Variants in HTR1F observed in about 807,000 individuals in gnomAD.
The protein encoded by HTR1F is 5-hydroxytryptamine (serotonin) receptor 1F, G protein-coupled.
Under a neutral mutation model 24.0 loss-of-function variants are expected in HTR1F, and 17 were observed. The ratio of observed to expected loss-of-function variants is 0.71; its 90% CI spans 0.48 to 1.06. The LOEUF (loss-of-function observed/expected upper bound fraction) is 1.06. HTR1F is among the 50% of genes least tolerant of loss of function. HTR1F has a pLI of 0.00. For synonymous variants in HTR1F, 186 were observed against 156.8 expected, an observed-to-expected ratio of 1.19 and a Z score of -1.39; for missense variants, 391 against 427.8, an observed-to-expected ratio of 0.91 and a Z score of 0.76.
At chr3:87,885,267 G>C (rs1030019505) in intron 2 of HTR1F, among the ~76,000 whole-genome samples, 2 of 152,168 alleles carry the variant, frequency 1.3e-5, no homozygotes, top group African/African-American at 4.8e-5. Flanking sequence ...AATGAAGGCA[G>C]AGATAAAGAT....
intron 2 of HTR1F, among the ~76,000 whole-genome samples, chr3:87,865,574 G>T (rs1371968885): frequency 1.3e-5 from 2 of 152,158 alleles, no homozygotes; most frequent in East Asian, 3.9e-4. Context: ...CAATAAATAT[G>T]AATTTTTTGT....
At chr3:87,878,538 G>C (rs757416860) in intron 2 of HTR1F, among the ~76,000 whole-genome samples, 4 of 152,120 alleles carry the variant, frequency 2.6e-5, no homozygotes, top group African/African-American at 4.8e-5. Flanking sequence ...GGATGAGGCA[G>C]AGGCAGTAAG....
chr3:87,899,757 C>G (rs961364125), intron 2 of HTR1F, among the ~76,000 whole-genome samples: 1 of 151,928 alleles, frequency 6.6e-6, no homozygotes, highest in African/African-American at 2.4e-5. Context: ...CCCAGCTACT[C>G]GGGAGGCTGA....
intron 2 of HTR1F, among the ~76,000 whole-genome samples, chr3:87,925,723 G>A (rs1370942026): frequency 6.6e-6 from 1 of 152,076 alleles, no homozygotes; most frequent in Non-Finnish European, 1.5e-5. Context: ...ATGGCTCAGG[G>A]CCTGCATGGA....
chr3:87,970,672 T>C (rs1336096997), intron 2 of HTR1F, among the ~76,000 whole-genome samples: 1 of 152,226 alleles, frequency 6.6e-6, no homozygotes. Context: ...TCTCAACTAA[T>C]GAAATTCACC....
At chr3:87,965,500 C>T (rs1266868758) in intron 2 of HTR1F, among the ~76,000 whole-genome samples, 1 of 152,004 alleles carries the variant, frequency 6.6e-6, no homozygotes, top group Non-Finnish European at 1.5e-5. Context: ...TGGACTAAAG[C>T]AAGATTTGAA....
At chr3:87,927,476 C>T (rs1319921484) in intron 2 of HTR1F, among the ~76,000 whole-genome samples, 2 of 152,020 alleles carry the variant, frequency 1.3e-5, no homozygotes, top group Non-Finnish European at 2.9e-5. Context: ...TTAGAAAAAT[C>T]AGGCTTCAAT....
intron 2 of HTR1F, among the ~76,000 whole-genome samples, chr3:87,972,868 A>C (rs1444461395): frequency 2.2e-5 from 1 of 45,924 alleles, no homozygotes; most frequent in African/African-American, 4.1e-5. Flanking sequence ...CTCACATCTC[A>C]GCTGCTTAAT....
chr3:87,951,126 T>G (rs959273568), intron 2 of HTR1F, among the ~76,000 whole-genome samples: 1 of 152,116 alleles, frequency 6.6e-6, no homozygotes, highest in Non-Finnish European at 1.5e-5. Context: ...AACAACTGTT[T>G]TACTCCCACT....
At chr3:87,959,253 T>C (rs115038898) in intron 2 of HTR1F, among the ~76,000 whole-genome samples, 2,365 of 151,872 alleles carry the variant, frequency 0.016, 63 homozygotes, top group African/African-American at 0.054. Flanking sequence ...ATGGTTGGAA[T>C]AGTACCTAAA....
chr3:87,937,251 T>C (rs1704447422), intron 2 of HTR1F, among the ~76,000 whole-genome samples: 1 of 152,016 alleles, frequency 6.6e-6, no homozygotes, highest in Non-Finnish European at 1.5e-5. Context: ...GCAAACTGAA[T>C]CCAGCAACAC....
chr3:87,801,066 T>C (rs1703982645), intron 1 of HTR1F, among the ~76,000 whole-genome samples: 1 of 152,226 alleles, frequency 6.6e-6, no homozygotes. Context: ...TTCTTTTTTC[T>C]TGAAATGAAT....
intron 2 of HTR1F, among the ~76,000 whole-genome samples, chr3:87,945,594 T>G (rs1369480438): frequency 6.6e-6 from 1 of 152,086 alleles, no homozygotes; most frequent in Non-Finnish European, 1.5e-5. Flanking sequence ...TAGTTGGCCA[T>G]CGGCTTCCCC....
At chr3:87,911,809 T>A (rs1223500146) in intron 2 of HTR1F, among the ~76,000 whole-genome samples, 1 of 151,954 alleles carries the variant, frequency 6.6e-6, no homozygotes, top group Non-Finnish European at 1.5e-5. Context: ...GAATTAAAGA[T>A]GAAAACTATG....
intron 2 of HTR1F, among the ~76,000 whole-genome samples, chr3:87,856,066 T>A (rs1410087845): frequency 6.6e-6 from 1 of 152,100 alleles, no homozygotes; most frequent in Non-Finnish European, 1.5e-5. Flanking sequence ...GTTGCTAAGA[T>A]GTATAGTAAA....
chr3:87,944,947 G>A (rs376745901), intron 2 of HTR1F, among the ~76,000 whole-genome samples: 77 of 152,292 alleles, frequency 5.1e-4, no homozygotes, highest in African/African-American at 1.8e-3. Flanking sequence ...ACAGGGTCAC[G>A]GAGAAGACCT....
chr3:87,975,337 T>C (rs1382555241), intron 2 of HTR1F, among the ~76,000 whole-genome samples: 2 of 152,134 alleles, frequency 1.3e-5, no homozygotes, highest in Non-Finnish European at 2.9e-5. Context: ...AATCCAAGAT[T>C]TGGATTTTTC....
chr3:87,961,905 T>G (rs1576093475), intron 2 of HTR1F, among the ~76,000 whole-genome samples: 1 of 152,036 alleles, frequency 6.6e-6, no homozygotes, highest in East Asian at 1.9e-4. Flanking sequence ...AAATTTGAAT[T>G]TCAGACAAAC....
chr3:87,846,781 A>G (rs1243587840), intron 2 of HTR1F, among the ~76,000 whole-genome samples: 1 of 151,962 alleles, frequency 6.6e-6, no homozygotes, highest in East Asian at 1.9e-4. Context: ...AAAGATAGTC[A>G]TTGTATTTTA....
Sources: allele counts gnomAD v4.1 joint callset (sites outside exome capture counted in the v4.1 genomes callset), GRCh38; gene constraint gnomAD v4.1.1; transcripts MANE v1.5; gene names NCBI Gene and HGNC (gene_info 2026-07-23, HGNC 2026-07-21).